The following DNAI7 variants were observed in gnomAD, a reference collection of about 807,000 sequenced individuals.
The protein encoded by DNAI7 is dynein axonemal intermediate chain 7.
Under a neutral mutation model 86.6 loss-of-function variants are expected in DNAI7, and 78 were observed. That is an observed-to-expected ratio of 0.90 (90% confidence interval 0.75 to 1.09). The LOEUF is 1.09. DNAI7 is among the 50% of genes least tolerant of loss of function. The probability of loss-of-function intolerance (pLI) is 0.00; values close to 1 mark genes in which losing one functional copy is unlikely to be tolerated. For synonymous variants in DNAI7, 274 were observed against 273.0 expected (o/e 1.00, Z -0.04); for missense variants, 753 against 810.2 (o/e 0.93, Z 0.86).
At chr12:25,182,010 G>T (rs1949544618) in intron 2 of DNAI7, among the ~76,000 whole-genome samples, 1 of 150,158 alleles carries the variant, frequency 6.7e-6, no homozygotes, top group African/African-American at 2.5e-5. Context: ...CCCACTACTG[G>T]GTATCTGCTG....
rs1484151715 is a variant in DNAI7, at chr12:25,174,896, G to A, written c.22-13699C>T. On this transcript the variant is annotated intron_variant, in intron 2 of 15. Transcript: ENST00000395987. ...AAATATTGTATGTTCTCACTGATGTGTGGGAGCTAAGCTATGAGGACACAA... is the reference window on the plus strand; with the variant it reads ...AAATATTGTATGTTCTCACTGATGTATGGGAGCTAAGCTATGAGGACACAA... Among the ~76,000 whole-genome samples the A allele has an allele frequency of 2.6e-5, 4 of 151,598 alleles. No homozygotes were observed. The East Asian group carries it at 7.7e-4, about 29-fold the overall frequency.
intron 13 of DNAI7, among the ~76,000 whole-genome samples, chr12:25,113,746 A>G (rs1592183261): frequency 6.6e-6 from 1 of 152,108 alleles, no homozygotes; most frequent in East Asian, 1.9e-4. Flanking sequence ...GTATAATTCA[A>G]TGATTTTTAG....
At chr12:25,167,003 C>A (rs1305233466) in intron 2 of DNAI7, among the ~76,000 whole-genome samples, 1 of 152,162 alleles carries the variant, frequency 6.6e-6, no homozygotes, top group East Asian at 1.9e-4. Context: ...TCCAGCCTCC[C>A]ACAGTATTCC....
At chr12:25,120,339 A>AGAGAGAGAGAGG in intron 11 of DNAI7, among the ~76,000 whole-genome samples, 1 of 149,232 alleles carries the variant, frequency 6.7e-6, no homozygotes, top group African/African-American at 2.5e-5. Context: ...AGAGAGAGAG[A>AGAGAGAGAGAGG]GAGGAAGGAA....
Position 25,108,822 on chromosome 12 carries a change from ACCT to A in DNAI7, c.1894-2_1894del. The A allele has an allele frequency of 1.2e-6, 1 of 857,878 alleles. No individual in the cohort carries two copies. The highest frequency in any genetic ancestry group is 4.1e-5 in the East Asian group (1 of 24,098). 53.1% of individuals were successfully genotyped at this position (857,878 alleles called of 1,614,324 possible). ...ACATGCTTCAGTAAGGTGTTCCCTC[ACCT>A]AAAAAAAAAAAAAATTCAAGCAAGT... On this transcript the variant is annotated splice_acceptor_variant and coding_sequence_variant, in exon 16 of 16. Transcript: ENST00000395987. LOFTEE classifies it high-confidence loss of function.
At chr12:25,169,508 G>A (rs770111020) in intron 2 of DNAI7, among the ~76,000 whole-genome samples, 1 of 152,164 alleles carries the variant, frequency 6.6e-6, no homozygotes, top group Non-Finnish European at 1.5e-5. Context: ...TCACACGGAC[G>A]AGAGTGAAAC....
In DNAI7 at chr12:25,149,672, G is replaced by A; in HGVS notation, c.541C>T (p.Leu181Phe). The A allele has an allele frequency of 6.2e-7, 1 of 1,606,070 alleles. No homozygotes were observed. The highest frequency in any genetic ancestry group is 8.5e-7 in the Non-Finnish European group (1 of 1,175,076). The change falls in exon 7 of 16, where the codon CTC becomes TTC. Residue 181 changes from leucine (L) to phenylalanine (F), a missense_variant. Transcript: ENST00000395987. ...GCTACACCGAATTTAAGATGAAGGA[G>A]CTCCTGCAGTTGTAGTATTGATTCT... is the stretch of plus-strand genomic sequence containing the variant. ...YQESILQLQE[L>F]LHLKFGVATE...
intron 13 of DNAI7, among the ~76,000 whole-genome samples, chr12:25,112,398 G>GGT (rs1939039322): frequency 1.2e-5 from 1 of 82,632 alleles, no homozygotes; most frequent in Non-Finnish European, 2.7e-5. Flanking sequence ...ATTCACATCT[G>GGT]GTTTTTTTTT....
At chr12:25,144,299 C>A in intron 9 of DNAI7, 66 bp downstream of exon 9, 1 of 1,367,202 alleles carries the variant, frequency 7.3e-7, no homozygotes, top group Non-Finnish European at 1.0e-6. Context: ...CTTGAGAACA[C>A]TTTAAGGGAA....
At chr12:25,166,623 C>T (rs755313011) in intron 2 of DNAI7, among the ~76,000 whole-genome samples, 15 of 152,086 alleles carry the variant, frequency 9.9e-5, no homozygotes, top group Admixed American at 3.3e-4. Flanking sequence ...TGATCGTGTC[C>T]GGCTAATCTC....
intron 2 of DNAI7, among the ~76,000 whole-genome samples, chr12:25,175,639 C>A (rs748138889): frequency 1.3e-5 from 2 of 150,914 alleles, no homozygotes; most frequent in Non-Finnish European, 3.0e-5. Flanking sequence ...TGAGCCACTG[C>A]GCCCGGCTCT....
At chr12:25,130,954 T>C (rs963371020) in intron 9 of DNAI7, among the ~76,000 whole-genome samples, 1 of 152,184 alleles carries the variant, frequency 6.6e-6, no homozygotes, top group African/African-American at 2.4e-5. Flanking sequence ...AGAGATTTAA[T>C]TTTTTAAATG....
intron 2 of DNAI7, among the ~76,000 whole-genome samples, chr12:25,165,585 A>G (rs1354334749): frequency 6.6e-6 from 1 of 151,604 alleles, no homozygotes; most frequent in Non-Finnish European, 1.5e-5. Flanking sequence ...TCTCTGACTG[A>G]CTCCTTCCCA....
chr12:25,139,371 A>G (rs1033048090), intron 9 of DNAI7, among the ~76,000 whole-genome samples: 3 of 152,240 alleles, frequency 2.0e-5, no homozygotes, highest in African/African-American at 7.2e-5. Flanking sequence ...CGGAGCCAGT[A>G]TCACCCTAAT....
intron 2 of DNAI7, among the ~76,000 whole-genome samples, chr12:25,174,393 TATCATATATATGGG>T (rs1948568958): frequency 8.8e-4 from 1 of 1,130 alleles, no homozygotes; most frequent in African/African-American, 0.011. Flanking sequence ...ATATGGGATA[TATCATATATATGGG>T]ATATATGGGA....
chr12:25,127,690 T>A (rs888746443), intron 9 of DNAI7, among the ~76,000 whole-genome samples: 1 of 152,222 alleles, frequency 6.6e-6, no homozygotes, highest in Non-Finnish European at 1.5e-5. Context: ...CATGGGACAC[T>A]AGCAAATAAT....
At chr12:25,127,067 T>TA (rs999355731) in intron 9 of DNAI7, among the ~76,000 whole-genome samples, 13 of 150,684 alleles carry the variant, frequency 8.6e-5, no homozygotes, top group Admixed American at 2.0e-4. Context: ...AGTCAATTTT[T>TA]AAAAAAATTG....
intron 8 of DNAI7, among the ~76,000 whole-genome samples, chr12:25,145,289 C>T (rs1944684894): frequency 6.6e-6 from 1 of 152,122 alleles, no homozygotes; most frequent in South Asian, 2.1e-4. Context: ...CAGCCAGTTG[C>T]ACTTTGATAT....
intron 2 of DNAI7, among the ~76,000 whole-genome samples, chr12:25,187,363 A>G (rs1950126405): frequency 6.6e-6 from 1 of 152,142 alleles, no homozygotes; most frequent in South Asian, 2.1e-4. Context: ...TAATCATATT[A>G]TATGAAATAG....
Sources: gnomAD v4.1 joint callset for allele counts (sites outside exome capture counted in the v4.1 genomes callset) on GRCh38, gnomAD v4.1.1 for gene constraint, MANE v1.5 for transcripts, NCBI Gene and HGNC (gene_info 2026-07-23, HGNC 2026-07-21) for gene names.